CACNB4: variants seen among roughly 807,000 people sequenced by gnomAD.
CACNB4 encodes calcium voltage-gated channel auxiliary subunit beta 4, also known as voltage-dependent L-type calcium channel subunit beta-4.
CACNB4 carries 32 observed loss-of-function variants against 71.2 expected under a neutral mutation model. That is an observed-to-expected ratio of 0.45 (90% CI 0.34 to 0.60). The LOEUF is 0.60. CACNB4 is among the 20% of genes least tolerant of loss of function. CACNB4 has a pLI of 0.01. For synonymous variants in CACNB4, 231 were observed against 236.9 expected, an observed-to-expected ratio of 0.97 and a Z score of 0.23; for missense variants, 464 against 647.9, an observed-to-expected ratio of 0.72 and a Z score of 3.08.
chr2:152,035,491 C>T (rs546045559), intron 2 of CACNB4, among the ~76,000 whole-genome samples: 66 of 152,200 alleles, frequency 4.3e-4, no homozygotes, highest in African/African-American at 1.4e-3. Flanking sequence ...ACCCGGGAGG[C>T]GGAGGTTGCG....
intron 2 of CACNB4, among the ~76,000 whole-genome samples, chr2:152,060,872 C>T (rs1214115737): frequency 4.6e-5 from 7 of 152,126 alleles, no homozygotes; most frequent in Non-Finnish European, 8.8e-5. Context: ...TTGTCTATAT[C>T]TATGTGTGCA....
chr2:152,016,700 G>A (rs1347451854), intron 2 of CACNB4, among the ~76,000 whole-genome samples: 3 of 152,196 alleles, frequency 2.0e-5, no homozygotes, highest in Non-Finnish European at 2.9e-5. Context: ...GCATGTCTAC[G>A]TTTGCACGCT....
In CACNB4 at chr2:151,894,912, GAAGAA is replaced by G. The variant is rs142746525; in HGVS notation, c.148-11547_148-11543del. Among the ~76,000 whole-genome samples, 54 of 151,992 alleles carry G rather than the reference GAAGAA, an allele frequency of 3.6e-4. No individual in the cohort carries two copies. The East Asian group carries it at 0.01, about 29-fold the overall frequency. On this transcript the variant is annotated intron_variant, in intron 2 of 13. Transcript: ENST00000539935. ...CTACAAAACACTGATGAAAGAAATA[GAAGAA>G]AACACAAATGGAAAGACATCCCACG... is the stretch of plus-strand genomic sequence containing the variant.
chr2:152,091,010 C>G (rs1437312306), intron 2 of CACNB4, among the ~76,000 whole-genome samples: 1 of 151,532 alleles, frequency 6.6e-6, no homozygotes, highest in East Asian at 1.9e-4. Context: ...GGCCACTGCA[C>G]TCCAGCCTGA....
chr2:151,912,876 G>C (rs1340420566), intron 2 of CACNB4, among the ~76,000 whole-genome samples: 1 of 150,620 alleles, frequency 6.6e-6, no homozygotes, highest in Admixed American at 6.6e-5. Flanking sequence ...TATATATTTA[G>C]AATAGTTAGC....
intron 2 of CACNB4, among the ~76,000 whole-genome samples, chr2:152,087,195 G>A (rs1385454504): frequency 6.6e-6 from 1 of 151,784 alleles, no homozygotes; most frequent in Non-Finnish European, 1.5e-5. Context: ...CACTTCGGGA[G>A]GCCAAGGCCT....
intron 2 of CACNB4, among the ~76,000 whole-genome samples, chr2:152,063,901 C>T (rs1686155135): frequency 6.6e-6 from 1 of 152,178 alleles, no homozygotes; most frequent in South Asian, 2.1e-4. Flanking sequence ...CAAAATCCCC[C>T]AACTTTCAAA....
chr2:152,042,423 G>T (rs1579187541), intron 2 of CACNB4, among the ~76,000 whole-genome samples: 2 of 152,102 alleles, frequency 1.3e-5, no homozygotes, highest in South Asian at 4.1e-4. Flanking sequence ...CTTAACAAAG[G>T]TCTGGACCTT....
chr2:151,924,371 T>C (rs1203439629), intron 2 of CACNB4, among the ~76,000 whole-genome samples: 1 of 151,760 alleles, frequency 6.6e-6, no homozygotes, highest in Non-Finnish European at 1.5e-5. Flanking sequence ...AAGTAGATTA[T>C]AGAAAATTGA....
In CACNB4 at chr2:152,013,615, C is replaced by T. The variant is rs1242911123; in HGVS notation, c.147+84715G>A. 2.0e-5 allele frequency among the ~76,000 whole-genome samples: 3 copies of T among 152,122 alleles called. No homozygotes were observed. In the East Asian group the frequency reaches 5.8e-4, roughly 29 times the overall value. On this transcript the variant is annotated intron_variant, in intron 2 of 13. Coordinates refer to ENST00000539935, the MANE Select transcript of CACNB4 (RefSeq NM_000726.5). ...CAGGGGGCCAAATTGAGCACGAGAT[C>T]CTGCACAAAAGCATGCCCCGTGCAA... is the stretch of plus-strand genomic sequence containing the variant.
chr2:152,094,446 C>T (rs1189864327), intron 2 of CACNB4, among the ~76,000 whole-genome samples: 1 of 152,194 alleles, frequency 6.6e-6, no homozygotes, highest in Non-Finnish European at 1.5e-5. Flanking sequence ...GCAGACTTAA[C>T]AAGGAAAAGT....
Position 151,841,982 on chromosome 2 carries a change from G to T in CACNB4, c.1223C>A (p.Thr408Lys), listed in dbSNP as rs1020624134. 1 of 1,613,778 alleles carries T rather than the reference G, an allele frequency of 6.2e-7. No homozygotes were observed. Among genetic ancestry groups the T allele is most frequent in the Non-Finnish European group, 8.5e-7 (1 of 1,179,826 alleles). The change falls in exon 13 of 14, where the codon ACA (threonine) becomes AAA (lysine). Residue 408 changes from threonine (T) to lysine (K), a missense_variant. Around this residue, in one of 3 missense-constraint regions of CACNB4, gnomAD observed 299 missense variants for 471.7 expected, o/e 0.63. Coordinates refer to ENST00000539935, the MANE Select transcript of CACNB4 (RefSeq NM_000726.5). The part of the protein sequence containing the change: ...YWRATHTTSS[T>K]PMTPLLGRNL... Reference sequence around the variant, plus strand: ...CCTTCCCAGCAGCGGGGTCATGGGTGTGCTACTGGTTGTGTGGGTGGCACG... The same window carrying T: ...CCTTCCCAGCAGCGGGGTCATGGGTTTGCTACTGGTTGTGTGGGTGGCACG...
intron 2 of CACNB4, among the ~76,000 whole-genome samples, chr2:151,985,780 C>T (rs1681327592): frequency 6.6e-6 from 1 of 151,808 alleles, no homozygotes; most frequent in Admixed American, 6.6e-5. Flanking sequence ...TGTCCATCCA[C>T]ATCTAAATAA....
intron 2 of CACNB4, among the ~76,000 whole-genome samples, chr2:151,930,069 T>C (rs2099861256): frequency 1.3e-5 from 2 of 151,954 alleles, no homozygotes; most frequent in African/African-American, 4.8e-5. Context: ...AAAAAATAAG[T>C]GAATGGGAGA....
chr2:151,882,901 T>C, intron 3 of CACNB4: 1 of 344,562 alleles, frequency 2.9e-6, no homozygotes, highest in South Asian at 2.5e-5. Context: ...TGGCCTGTAA[T>C]AAAGGCTGAA....
intron 4 of CACNB4, among the ~76,000 whole-genome samples, chr2:151,878,052 T>C (rs1434868829): frequency 1.3e-5 from 2 of 152,184 alleles, no homozygotes; most frequent in Admixed American, 6.5e-5. Context: ...TCCTTTACTG[T>C]TTTTATCAGT....
intron 2 of CACNB4, among the ~76,000 whole-genome samples, chr2:152,055,278 CT>C (rs2105310334): frequency 6.6e-6 from 1 of 152,324 alleles, no homozygotes; most frequent in South Asian, 2.1e-4. Context: ...TCCCAAAATG[CT>C]GGGATTACAG....
At chr2:151,856,038 A>G (rs1182233786) in intron 10 of CACNB4, among the ~76,000 whole-genome samples, 3 of 151,928 alleles carry the variant, frequency 2.0e-5, no homozygotes, top group South Asian at 2.1e-4. Context: ...AAACGCTGCA[A>G]TGCATCTAGA....
At chr2:152,056,657 C>CTAT (rs1463507690) in intron 2 of CACNB4, among the ~76,000 whole-genome samples, 1 of 152,128 alleles carries the variant, frequency 6.6e-6, no homozygotes, top group Non-Finnish European at 1.5e-5. Context: ...CTTCATAGTT[C>CTAT]TATTATTATT....
Sources: allele counts gnomAD v4.1 joint callset (sites outside exome capture counted in the v4.1 genomes callset), GRCh38; gene constraint gnomAD v4.1.1; regional missense constraint gnomAD v4.1.1; transcripts MANE v1.5; gene names NCBI Gene and HGNC (gene_info 2026-07-23, HGNC 2026-07-21).